The following PTPRT variants were observed in gnomAD, a reference collection of about 807,000 sequenced individuals.
PTPRT encodes the protein receptor-type tyrosine-protein phosphatase T.
A neutral mutation model predicts 176.8 loss-of-function variants in PTPRT; 56 were observed. That is an observed-to-expected ratio of 0.32 (90% CI 0.26 to 0.40). The LOEUF is 0.40. Ranked by LOEUF, PTPRT falls within the 10% of genes least tolerant of loss-of-function variation. The pLI is 1.00. For missense variants in PTPRT, 1,540 were observed against 1,908.2 expected, an observed-to-expected ratio of 0.81 and a Z score of 3.60; for synonymous variants, 783 against 739.0, an observed-to-expected ratio of 1.06 and a Z score of -0.96.
chr20:42,075,218 T>G lies in PTPRT; in HGVS notation c.*5661A>C. 4.1e-6 allele frequency: 1 copy of G among 243,314 alleles called. No individual in the cohort carries two copies. The highest frequency in any genetic ancestry group is 5.5e-5 in the Admixed American group (1 of 18,054). The allele number at this position is 243,314 out of a possible 1,614,324, so 15.1% of individuals were successfully genotyped here. On this transcript the variant is annotated 3_prime_UTR_variant, in exon 31 of 31. Coordinates refer to ENST00000373187, the MANE Select transcript of PTPRT (RefSeq NM_007050.6). ...TACTTTTCCTATTTCCTTGTTTTACTTGGCTGTGATTTGAAGCTGGTCACA... is the reference window on the plus strand; with the variant it reads ...TACTTTTCCTATTTCCTTGTTTTACGTGGCTGTGATTTGAAGCTGGTCACA...
In PTPRT at chr20:42,079,773, GC is replaced by G. The variant is rs1168852906; in HGVS notation, c.*1105del. 1 of 229,332 alleles carries G rather than the reference GC, an allele frequency of 4.4e-6. No individual in the cohort carries two copies. The highest frequency in any genetic ancestry group is 8.6e-6 in the Non-Finnish European group (1 of 115,744). 14.2% of individuals were successfully genotyped at this position (229,332 alleles called of 1,614,324 possible). A position where few individuals can be genotyped will look rare whatever the true frequency, so the allele number is the denominator to read the frequency against. Reference sequence around the variant, plus strand: ...TATGCACAAAGCTGGTGCTCTATTTGCCCCAGAAACCAAAGGGACCATCTTC... The same window carrying G: ...TATGCACAAAGCTGGTGCTCTATTTGCCCAGAAACCAAAGGGACCATCTTC... On this transcript the variant is annotated 3_prime_UTR_variant, in exon 31 of 31. Coordinates refer to ENST00000373187, the MANE Select transcript of PTPRT (RefSeq NM_007050.6).
chr20:42,392,818 C>T (rs545593581), intron 9 of PTPRT, among the ~76,000 whole-genome samples: 4 of 152,130 alleles, frequency 2.6e-5, no homozygotes, highest in Admixed American at 6.5e-5. Flanking sequence ...CTTTCCTCAT[C>T]GGTTGCTAGG....
At chr20:42,856,685 G>A (rs555239829) in intron 2 of PTPRT, among the ~76,000 whole-genome samples, 344 of 151,882 alleles carry the variant, frequency 2.3e-3, no homozygotes, top group Non-Finnish European at 3.7e-3. Flanking sequence ...AACATGTGAC[G>A]GCACAGTATG....
rs2071411899 is a variant in PTPRT, at chr20:42,482,995, T to TTA, written c.1154-10435_1154-10434dup. ...ATGTGTTTTGAAGGAAATATAGATG[T>TTA]TATAATATGATGATAATGCAAATAA... is the stretch of plus-strand genomic sequence containing the variant. On this transcript the variant is annotated intron_variant, in intron 7 of 30. Coordinates refer to ENST00000373187, the MANE Select transcript of PTPRT (RefSeq NM_007050.6). Among the ~76,000 whole-genome samples, 4 of 152,236 alleles carry TTA rather than the reference T, an allele frequency of 2.6e-5. No homozygotes were observed. The South Asian group carries it at 8.3e-4, about 32-fold the overall frequency.
At chr20:42,139,543 CG>C (rs1377860588) in intron 18 of PTPRT, among the ~76,000 whole-genome samples, 1 of 152,194 alleles carries the variant, frequency 6.6e-6, no homozygotes, top group Admixed American at 6.5e-5. Context: ...TTCAGGAGAA[CG>C]GTGAAGAAGC....
intron 1 of PTPRT, among the ~76,000 whole-genome samples, chr20:42,928,344 CAGG>C (rs1979619823): frequency 6.6e-6 from 1 of 152,202 alleles, no homozygotes; most frequent in Non-Finnish European, 1.5e-5. Context: ...AGGGAGGGGA[CAGG>C]AGGACACAGT....
intron 16 of PTPRT, among the ~76,000 whole-genome samples, chr20:42,178,742 A>G (rs1882775807): frequency 6.6e-6 from 1 of 152,184 alleles, no homozygotes; most frequent in Admixed American, 6.5e-5. Flanking sequence ...AGAGAATTCA[A>G]GTTAACTGAT....
intron 1 of PTPRT, among the ~76,000 whole-genome samples, chr20:42,986,939 T>C (rs1241754431): frequency 6.6e-6 from 1 of 152,128 alleles, no homozygotes; most frequent in Non-Finnish European, 1.5e-5. Flanking sequence ...AGTTGCTGTC[T>C]TAGAGGCCAC....
rs2058652578 is a variant in PTPRT at position 42,376,726 on chromosome 20, C to A, written c.1561-24441G>T. ...CCTAAGCAGATTGAGGCAAAGAATT[C>A]CAGACAGAAGGAGCAGCTCAAGGAA... On this transcript the variant is annotated intron_variant, in intron 9 of 30. Coordinates refer to ENST00000373187, the MANE Select transcript of PTPRT (RefSeq NM_007050.6). Among the ~76,000 whole-genome samples the A allele has an allele frequency of 2.6e-5, 4 of 151,858 alleles. No individual in the cohort carries two copies. The South Asian group carries it at 8.3e-4, about 32-fold the overall frequency.
At chr20:42,699,624 CTT>C (rs911448468) in intron 6 of PTPRT, among the ~76,000 whole-genome samples, 8 of 152,144 alleles carry the variant, frequency 5.3e-5, no homozygotes, top group African/African-American at 1.9e-4. Context: ...ACAGGAAAGA[CTT>C]TAGTGTGGGA....
chr20:42,644,968 G>T (rs77704632), intron 7 of PTPRT, among the ~76,000 whole-genome samples: 3,273 of 152,182 alleles, frequency 0.022, 125 homozygotes, highest in African/African-American at 0.075. Context: ...TCAGAACCTT[G>T]CTACATCAAT....
intron 3 of PTPRT, 68 bp from the exon 4 acceptor site, chr20:42,780,367 C>T (rs2077197557): frequency 2.4e-6 from 3 of 1,226,786 alleles, no homozygotes; most frequent in Non-Finnish European, 2.4e-6. Context: ...AGAAGCTGCC[C>T]GGCCCCCAGC....
intron 1 of PTPRT, among the ~76,000 whole-genome samples, chr20:43,029,785 A>G (rs1284392842): frequency 6.6e-6 from 1 of 152,220 alleles, no homozygotes; most frequent in African/African-American, 2.4e-5. Flanking sequence ...AAGAGTGGCT[A>G]CGTAATTTGC....
chr20:43,189,574 C>T lies in PTPRT; in HGVS notation c.88+72G>A. 1.9e-6 allele frequency: 2 copies of T among 1,030,648 alleles called. No homozygotes were observed. Among genetic ancestry groups the T allele is most frequent in the South Asian group, 4.4e-5 (1 of 22,590 alleles). The allele number at this position is 1,030,648 out of a possible 1,614,324, so 63.8% of individuals were successfully genotyped here. On this transcript the variant is annotated intron_variant, in intron 1 of 30. Coordinates refer to ENST00000373187, the MANE Select transcript of PTPRT (RefSeq NM_007050.6). The surrounding 1 kb of genome is among the most constrained non-coding windows in gnomAD (Gnocchi z 5.0). ...CCCACACAACTTTCTCCTCCGAGGG[C>T]CCCGCGGCTGGGGGCCCGCGCGCAT...
chr20:42,282,600 C>A (rs1600776870), intron 12 of PTPRT, 75 bp from the exon 13 acceptor site: 1 of 1,188,630 alleles, frequency 8.4e-7, no homozygotes, highest in East Asian at 2.5e-5. Context: ...GACAAAAATA[C>A]ATATATATTT....
At chr20:42,046,382 G>A in the PTPRT span, among the ~76,000 whole-genome samples, 3 of 152,230 alleles carry the variant, frequency 2.0e-5, no homozygotes, top group Non-Finnish European at 4.4e-5. Context: ...GCTTATCTCT[G>A]CCAGGAGTTT....
chr20:42,236,870 A>G (rs2056254373), intron 14 of PTPRT, among the ~76,000 whole-genome samples: 1 of 151,946 alleles, frequency 6.6e-6, no homozygotes, highest in Non-Finnish European at 1.5e-5. Context: ...CTGCCCTCCC[A>G]CAGAGTCAGG....
intron 18 of PTPRT, among the ~76,000 whole-genome samples, chr20:42,136,239 T>TTTTG: frequency 6.8e-6 from 1 of 146,856 alleles, no homozygotes; most frequent in Admixed American, 6.8e-5. Flanking sequence ...GTGCTTTTTT[T>TTTTG]TTTTTTTTTT....
At chr20:42,601,056 G>C (rs928614983) in intron 7 of PTPRT, among the ~76,000 whole-genome samples, 1 of 152,096 alleles carries the variant, frequency 6.6e-6, no homozygotes, top group African/African-American at 2.4e-5. Context: ...TGAGTTCGTA[G>C]GTTGCTGTGC....
Sources: allele counts gnomAD v4.1 joint callset (sites outside exome capture counted in the v4.1 genomes callset), GRCh38; gene constraint gnomAD v4.1.1; non-coding constraint Gnocchi (gnomAD v3.1); transcripts MANE v1.5; gene names NCBI Gene and HGNC (gene_info 2026-07-23, HGNC 2026-07-21).